CCNI: variants seen among roughly 807,000 people sequenced by gnomAD.
CCNI encodes the protein cyclin I.
A neutral mutation model predicts 34.1 loss-of-function variants in CCNI; 14 were observed. That is an observed-to-expected ratio of 0.41 (90% confidence interval 0.27 to 0.64). The LOEUF (loss-of-function observed/expected upper bound fraction) is 0.64. Ranked by LOEUF, CCNI falls within the 30% of genes least tolerant of loss-of-function variation. The pLI is 0.31. For synonymous variants in CCNI, 154 were observed against 158.4 expected, an observed-to-expected ratio of 0.97 and a Z score of 0.21; for missense variants, 385 against 440.5, an observed-to-expected ratio of 0.87 and a Z score of 1.13.
At chr4:77,051,138 A>T (rs935796565) in intron 6 of CCNI, among the ~76,000 whole-genome samples, 1 of 152,198 alleles carries the variant, frequency 6.6e-6, no homozygotes, top group Non-Finnish European at 1.5e-5. Flanking sequence ...AGCATGCCAC[A>T]AATTCCAGGT....
intron 2 of CCNI, among the ~76,000 whole-genome samples, chr4:77,061,578 A>C (rs1728608944): frequency 6.6e-6 from 1 of 152,196 alleles, no homozygotes; most frequent in Non-Finnish European, 1.5e-5. Flanking sequence ...CCCCAGCTTT[A>C]AACTCTAAAA....
intron 1 of CCNI, chr4:77,075,135 A>C (rs1042601004): frequency 1.3e-5 from 2 of 152,082 alleles, no homozygotes; most frequent in African/African-American, 4.8e-5. Flanking sequence ...TTGTGTATTA[A>C]CACGGGCTCG....
At chr4:77,063,615 G>C (rs10005701) in intron 2 of CCNI, among the ~76,000 whole-genome samples, 1 of 151,564 alleles carries the variant, frequency 6.6e-6, no homozygotes, top group African/African-American at 2.4e-5. Context: ...GCGTGAACCC[G>C]GGAGGCGGAG....
At chr4:77,074,780 T>A (rs1729770308) in intron 1 of CCNI, 1 of 152,228 alleles carries the variant, frequency 6.6e-6, no homozygotes, top group Non-Finnish European at 1.5e-5. Context: ...AGAGTCTGAA[T>A]CCATCCTACC....
rs1318301366 is a variant in CCNI at position 77,055,224 on chromosome 4, T to C, written c.616A>G (p.Met206Val). The change falls in exon 6 of 7, where the codon ATG becomes GTG. Residue 206 changes from methionine to valine, a missense_variant. Met to Val is a conservative substitution (Grantham distance 21). Transcript: ENST00000237654. ...QFRGSMLALA[M>V]VSLEMEKLIP... Reference sequence around the variant, plus strand: ...AGTTTCTCCATTTCCAGACTAACCATGGCCAGAGCAAGCATGGATCCTCTG... The same window carrying C: ...AGTTTCTCCATTTCCAGACTAACCACGGCCAGAGCAAGCATGGATCCTCTG... The C allele has an allele frequency of 2.5e-6, 4 of 1,614,054 alleles. No homozygotes were observed. Among genetic ancestry groups the C allele is most frequent in the Admixed American group, 1.7e-5 (1 of 60,004 alleles).
chr4:77,070,293 T>C (rs1391082651), intron 1 of CCNI, among the ~76,000 whole-genome samples: 5 of 151,556 alleles, frequency 3.3e-5, no homozygotes. Context: ...CTGGGAGTAC[T>C]GGCATGAGCC....
At chr4:77,072,657 A>AAG (rs1553987786) in intron 1 of CCNI, among the ~76,000 whole-genome samples, 16 of 147,042 alleles carry the variant, frequency 1.1e-4, no homozygotes, top group East Asian at 9.9e-4. Flanking sequence ...AAAAAAAAAA[A>AAG]AAAAGAAAAG....
At chr4:77,057,884 CCACCTCTGTA>C (rs1438336229) in intron 3 of CCNI, among the ~76,000 whole-genome samples, 2 of 152,180 alleles carry the variant, frequency 1.3e-5, no homozygotes, top group Non-Finnish European at 2.9e-5. Context: ...GATTCCTTGT[CCACCTCTGTA>C]CACCAATATG....
intron 6 of CCNI, among the ~76,000 whole-genome samples, chr4:77,052,982 T>C (rs4252916): frequency 0.058 from 8,788 of 152,242 alleles, 867 homozygotes; most frequent in African/African-American, 0.2. Flanking sequence ...ATGGGGCATA[T>C]CTCTTAAAAA....
At chr4:77,057,746 G>A (rs4252877) in intron 3 of CCNI, among the ~76,000 whole-genome samples, 2 of 152,100 alleles carry the variant, frequency 1.3e-5, no homozygotes, top group Admixed American at 1.3e-4. Flanking sequence ...GTTGCTTTAT[G>A]ACATCTTGTT....
chr4:77,073,993 C>T (rs901293006), intron 1 of CCNI, among the ~76,000 whole-genome samples: 16 of 141,188 alleles, frequency 1.1e-4, no homozygotes, highest in Non-Finnish European at 1.6e-4. Flanking sequence ...CTGTGGAAAG[C>T]CCTTTTTTTC....
chr4:77,069,267 A>C (rs1729279744), intron 1 of CCNI, among the ~76,000 whole-genome samples: 1 of 152,018 alleles, frequency 6.6e-6, no homozygotes. Context: ...ACATACAAAA[A>C]TTAGGCAGGC....
intron 3 of CCNI, chr4:77,056,588 T>C: frequency 2.7e-5 from 2 of 73,270 alleles, no homozygotes; most frequent in Non-Finnish European, 2.4e-5. Flanking sequence ...AGAGCTAACT[T>C]TTTTTTTTTT....
intron 1 of CCNI, among the ~76,000 whole-genome samples, chr4:77,074,009 TTTTA>T (rs1198864171): frequency 6.6e-6 from 1 of 151,804 alleles, no homozygotes; most frequent in East Asian, 1.9e-4. Context: ...TTTTCTAGTT[TTTTA>T]TTTTTCTTAC....
intron 1 of CCNI, among the ~76,000 whole-genome samples, chr4:77,073,673 A>G (rs1037930293): frequency 1.3e-5 from 2 of 152,180 alleles, no homozygotes; most frequent in African/African-American, 4.8e-5. Flanking sequence ...CCTCTAGCTC[A>G]TACTTCCCTT....
chr4:77,070,770 C>G (rs1729405897), intron 1 of CCNI, among the ~76,000 whole-genome samples: 1 of 151,968 alleles, frequency 6.6e-6, no homozygotes, highest in Non-Finnish European at 1.5e-5. Flanking sequence ...GCAGGAGGAG[C>G]TATCGAAGTT....
rs1039777452 is a variant in CCNI at position 77,047,303 on chromosome 4, A to G, written c.*916T>C. On this transcript the variant is annotated 3_prime_UTR_variant, in exon 7 of 7. Coordinates refer to ENST00000237654, the MANE Select transcript of CCNI (RefSeq NM_006835.3). The stretch of plus-strand genomic sequence containing the variant: ...TGGGGAGGCAGGGGGAGTAAGTTCT[A>G]TTAGAAAATCCTAATAGCTTAACAA... 6.6e-6 allele frequency: 1 copy of G among 152,212 alleles called. No individual in the cohort carries two copies. The highest frequency in any genetic ancestry group is 1.5e-5 in the Non-Finnish European group (1 of 68,056). The allele number at this position is 152,212 out of a possible 1,614,324, so 9.4% of individuals were successfully genotyped here.
chr4:77,072,638 T>TAAAAAAAAAAAAAAAAAA (rs61247567), intron 1 of CCNI, among the ~76,000 whole-genome samples: 2 of 101,386 alleles, frequency 2.0e-5, no homozygotes, highest in African/African-American at 4.1e-5. Context: ...CCCAATCTCT[T>TAAAAAAAAAAAAAAAAAA]AAAAAAAAAA....
chr4:77,071,171 A>G (rs972177989), intron 1 of CCNI, among the ~76,000 whole-genome samples: 3 of 152,220 alleles, frequency 2.0e-5, no homozygotes, highest in African/African-American at 4.8e-5. Flanking sequence ...ATCAGGTTCA[A>G]TGGATTCCCG....
Sources: gnomAD v4.1 joint callset for allele counts (sites outside exome capture counted in the v4.1 genomes callset) on GRCh38, gnomAD v4.1.1 for gene constraint, MANE v1.5 for transcripts, NCBI Gene and HGNC (gene_info 2026-07-23, HGNC 2026-07-21) for gene names.